The following TAFA2 variants were observed in gnomAD, a reference collection of about 807,000 sequenced individuals.
TAFA2 encodes the protein TAFA chemokine like family member 2, also known as chemokine-like protein TAFA-2.
Under a neutral mutation model 18.8 loss-of-function variants are expected in TAFA2, and 7 were observed. That is an observed-to-expected ratio of 0.37 (90% CI 0.21 to 0.70). TAFA2 has a LOEUF of 0.70. TAFA2 is among the 30% of genes least tolerant of loss of function. The probability of loss-of-function intolerance (pLI) is 0.53; values close to 1 mark genes in which losing one functional copy is unlikely to be tolerated. For synonymous variants in TAFA2, 60 were observed against 54.2 expected, an observed-to-expected ratio of 1.11 and a Z score of -0.47; for missense variants, 122 against 158.1, an observed-to-expected ratio of 0.77 and a Z score of 1.23.
intron 1 of TAFA2, among the ~76,000 whole-genome samples, chr12:62,042,516 T>C (rs541874686): frequency 3.3e-5 from 5 of 152,112 alleles, no homozygotes; most frequent in African/African-American, 1.2e-4. Context: ...GTGTCCCTGC[T>C]GGAATAGAGC....
intron 1 of TAFA2, among the ~76,000 whole-genome samples, chr12:62,244,211 T>C (rs775984612): frequency 2.7e-5 from 4 of 150,102 alleles, no homozygotes; most frequent in East Asian, 1.9e-4. Flanking sequence ...AACTCAATCA[T>C]TGTTATTTGG....
At chr12:61,758,541 G>A (rs925931577) in intron 2 of TAFA2, among the ~76,000 whole-genome samples, 1 of 152,002 alleles carries the variant, frequency 6.6e-6, no homozygotes, top group African/African-American at 2.4e-5. Context: ...GGATTCGGTG[G>A]TGAGAAGATA....
In TAFA2 at chr12:61,817,675, T is replaced by C. The variant is rs180893286; in HGVS notation, c.106+49645A>G. Among the ~76,000 whole-genome samples the C allele has an allele frequency of 2.0e-4, 30 of 152,272 alleles. No homozygotes were observed. In the East Asian group the frequency reaches 5.0e-3, roughly 25 times the overall value. ...GACAGATGCCATATCTCTTCCCAAT[T>C]CTGATGCAGATTAGTGCTGCACAGA... On this transcript the variant is annotated intron_variant, in intron 2 of 4. Transcript: ENST00000416284.
At chr12:61,751,448 C>A (rs1411493322) in intron 4 of TAFA2, among the ~76,000 whole-genome samples, 1 of 151,992 alleles carries the variant, frequency 6.6e-6, no homozygotes, top group Non-Finnish European at 1.5e-5. Context: ...TCAAGAAGCT[C>A]CTTCTTTCAA....
chr12:62,238,269 G>C (rs1335493539), intron 1 of TAFA2, among the ~76,000 whole-genome samples: 1 of 152,076 alleles, frequency 6.6e-6, no homozygotes, highest in Non-Finnish European at 1.5e-5. Flanking sequence ...TGTGGTCCTA[G>C]GGGTCATCTC....
At chr12:61,796,048 T>C (rs1039176206) in intron 2 of TAFA2, among the ~76,000 whole-genome samples, 1 of 152,126 alleles carries the variant, frequency 6.6e-6, no homozygotes, top group Admixed American at 6.6e-5. Context: ...GAATATGAAA[T>C]AGAACAACCA....
At chr12:61,981,847 G>A (rs1323622182) in intron 1 of TAFA2, among the ~76,000 whole-genome samples, 1 of 152,052 alleles carries the variant, frequency 6.6e-6, no homozygotes, top group Non-Finnish European at 1.5e-5. Flanking sequence ...TGGTGGGAGT[G>A]TAAATTAGTT....
intron 1 of TAFA2, among the ~76,000 whole-genome samples, chr12:62,114,015 G>A (rs775527511): frequency 2.6e-5 from 4 of 152,142 alleles, no homozygotes; most frequent in Non-Finnish European, 4.4e-5. Context: ...TGTCTCGCTG[G>A]CATTCCAGGT....
intron 1 of TAFA2, among the ~76,000 whole-genome samples, chr12:62,059,495 A>T (rs1882288055): frequency 6.6e-6 from 1 of 152,040 alleles, no homozygotes; most frequent in Non-Finnish European, 1.5e-5. Flanking sequence ...ACTACTGTGA[A>T]GAAAAGTAAA....
At chr12:61,996,249 C>T (rs182699005) in intron 1 of TAFA2, among the ~76,000 whole-genome samples, 48 of 152,136 alleles carry the variant, frequency 3.2e-4, no homozygotes, top group Admixed American at 1.1e-3. Context: ...GTTTAAGGAA[C>T]CAATTTAATT....
chr12:62,118,187 T>C (rs1870042047), intron 1 of TAFA2, among the ~76,000 whole-genome samples: 1 of 152,134 alleles, frequency 6.6e-6, no homozygotes, highest in Non-Finnish European at 1.5e-5. Flanking sequence ...ATTACATATA[T>C]ATGTATCTAA....
At chr12:61,795,888 T>A (rs1438898559) in intron 2 of TAFA2, among the ~76,000 whole-genome samples, 1 of 151,610 alleles carries the variant, frequency 6.6e-6, no homozygotes, top group African/African-American at 2.4e-5. Flanking sequence ...AATAAGGAAT[T>A]AATAAATAGA....
intron 1 of TAFA2, among the ~76,000 whole-genome samples, chr12:61,925,860 C>T (rs898444136): frequency 3.9e-5 from 6 of 152,112 alleles, no homozygotes; most frequent in Non-Finnish European, 8.8e-5. Context: ...CAGAGCAGAA[C>T]TGAAGGAGAT....
chr12:61,728,197 T>C (rs1870265343), intron 4 of TAFA2, among the ~76,000 whole-genome samples: 1 of 152,104 alleles, frequency 6.6e-6, no homozygotes. Flanking sequence ...ATGTATATTG[T>C]GCAGTTTTTG....
chr12:61,893,944 C>T (rs1190230776), intron 1 of TAFA2, among the ~76,000 whole-genome samples: 1 of 151,946 alleles, frequency 6.6e-6, no homozygotes, highest in Non-Finnish European at 1.5e-5. Flanking sequence ...TCTTAGTTTC[C>T]CTATATGAAC....
intron 1 of TAFA2, among the ~76,000 whole-genome samples, chr12:62,210,637 G>A (rs2062709352): frequency 6.6e-6 from 1 of 152,078 alleles, no homozygotes; most frequent in Non-Finnish European, 1.5e-5. Flanking sequence ...TCTTTGAATG[G>A]CAAAAAGCAT....
intron 1 of TAFA2, among the ~76,000 whole-genome samples, chr12:61,914,588 G>C (rs1876743349): frequency 6.6e-6 from 1 of 152,182 alleles, no homozygotes; most frequent in Non-Finnish European, 1.5e-5. Flanking sequence ...GCAAATGTTA[G>C]ACATGGAGAC....
intron 1 of TAFA2, among the ~76,000 whole-genome samples, chr12:62,181,320 T>C (rs1419110698): frequency 6.6e-6 from 1 of 152,216 alleles, no homozygotes; most frequent in African/African-American, 2.4e-5. Flanking sequence ...GTTTATTAAG[T>C]ACCTATTAGA....
chr12:61,828,821 G>A (rs1330323601), intron 2 of TAFA2, among the ~76,000 whole-genome samples: 5 of 151,574 alleles, frequency 3.3e-5, no homozygotes, highest in Non-Finnish European at 1.5e-5. Context: ...TAAATTTAAC[G>A]AATCAAATTG....
Sources: gnomAD v4.1 joint callset for allele counts (sites outside exome capture counted in the v4.1 genomes callset) on GRCh38, gnomAD v4.1.1 for gene constraint, MANE v1.5 for transcripts, NCBI Gene and HGNC (gene_info 2026-07-23, HGNC 2026-07-21) for gene names.